LCAT: variants seen among roughly 807,000 people sequenced by gnomAD.
The protein encoded by LCAT is phosphatidylcholine-sterol acyltransferase.
In LCAT, 15 loss-of-function variants were observed where a neutral mutation model predicts 41.0. The ratio of observed to expected loss-of-function variants is 0.37; its 90% CI spans 0.24 to 0.56. The LOEUF (loss-of-function observed/expected upper bound fraction) is 0.56. Among genes scored for constraint, LCAT ranks in the 20% least tolerant of loss-of-function variants. The pLI, the probability that LCAT is intolerant of heterozygous loss-of-function variation, is 0.81. For missense variants in LCAT, 449 were observed against 595.1 expected, an observed-to-expected ratio of 0.75 and a Z score of 2.55; for synonymous variants, 248 against 245.4, an observed-to-expected ratio of 1.01 and a Z score of -0.10.
Position 67,940,350 on chromosome 16 carries a change from G to C in LCAT, c.877C>G (p.Pro293Ala). The C allele has an allele frequency of 6.2e-7, 1 of 1,614,178 alleles. No individual in the cohort carries two copies. The highest frequency in any genetic ancestry group is 8.5e-7 in the Non-Finnish European group (1 of 1,180,036). Residue 293 changes from proline to alanine, a missense_variant, in exon 6 of 6, where the codon CCC becomes GCC. Coordinates refer to ENST00000264005, the MANE Select transcript of LCAT (RefSeq NM_000229.2). ...TCACGGCCTGTGTAGTTGAAGCTGG[G>C]TGTGGAAATGAACACGTGGTCCTCA... ...WPEDHVFIST[P>A]SFNYTGRDFQ...
chr16:67,941,851 T>G, intron 5 of LCAT: 1 of 1,058,498 alleles, frequency 9.4e-7, no homozygotes. Flanking sequence ...GATGAGCGTT[T>G]CTCTTGTCCA....
Position 67,942,793 on chromosome 16 carries a change from G to C in LCAT, c.428-27C>G. The C allele has an allele frequency of 6.2e-7, 1 of 1,612,574 alleles. No homozygotes were observed. Among genetic ancestry groups the C allele is most frequent in the African/African-American group, 1.3e-5 (1 of 75,048 alleles). ...TGTGGGGGGACCAGCAGCACCGGGG[G>C]CTTGGGCCATGCCTGCTGTGGGCCA... On this transcript the variant is annotated intron_variant, in intron 3 of 5. Transcript: ENST00000264005. This position sits in a 1 kb window ranked among gnomAD's most constrained non-coding sequence, Gnocchi z 6.6.
chr16:67,943,318 C>G lies in LCAT; in HGVS notation c.155-106G>C. The G allele has an allele frequency of 8.7e-7, 1 of 1,152,258 alleles. No homozygotes were observed. Among genetic ancestry groups the G allele is most frequent in the Non-Finnish European group, 1.3e-6 (1 of 786,912 alleles). 71.4% of individuals were successfully genotyped at this position (1,152,258 alleles called of 1,614,324 possible). On this transcript the variant is annotated intron_variant, in intron 1 of 5. Coordinates refer to ENST00000264005, the MANE Select transcript of LCAT (RefSeq NM_000229.2). The surrounding 1 kb of genome is among the most constrained non-coding windows in gnomAD (Gnocchi z 4.6). ...AGACCCACCCCCCACCTCCCATACC[C>G]TCAACCCCCAGGTACAAAGCACACT... is the stretch of plus-strand genomic sequence containing the variant.
chr16:67,943,222 G>C lies in LCAT; in HGVS notation c.155-10C>G. 6.2e-7 allele frequency: 1 copy of C among 1,612,352 alleles called. No individual in the cohort carries two copies. Among genetic ancestry groups the C allele is most frequent in the East Asian group, 2.2e-5 (1 of 44,856 alleles). On this transcript the variant is annotated splice_polypyrimidine_tract_variant and intron_variant, in intron 1 of 5. Coordinates refer to ENST00000264005, the MANE Select transcript of LCAT (RefSeq NM_000229.2). This position sits in a 1 kb window ranked among gnomAD's most constrained non-coding sequence, Gnocchi z 4.6. ...CCCAGGCAGCCGGGCACTGTGAGCA[G>C]CAGCCCTCACTCTGGACTCTGGATT...
In LCAT at chr16:67,943,922, G is replaced by T. The variant is rs1362383640; in HGVS notation, c.154+26C>A. ...CAGGCTCCCCAGGGTCTGGCGTGGT[G>T]CATCAGGGGCCTGGTGGGGGCTTAC... On this transcript the variant is annotated intron_variant, in intron 1 of 5. Transcript: ENST00000264005. This position sits in a 1 kb window ranked among gnomAD's most constrained non-coding sequence, Gnocchi z 4.6. 1.2e-5 allele frequency: 19 copies of T among 1,533,826 alleles called. No individual in the cohort carries two copies. Among genetic ancestry groups the T allele is most frequent in the Non-Finnish European group, 1.6e-5 (18 of 1,136,622 alleles).
At chr16:67,941,924 G>C in intron 5 of LCAT, 1 of 1,160,008 alleles carries the variant, frequency 8.6e-7, no homozygotes. Context: ...GGTGGTAGCT[G>C]TGTCAGTGCT....
Position 67,940,043 on chromosome 16 carries a change from G to A in LCAT, c.1184C>T (p.Pro395Leu). 6.2e-7 allele frequency: 1 copy of A among 1,613,490 alleles called. No homozygotes were observed. Among genetic ancestry groups the A allele is most frequent in the Non-Finnish European group, 8.5e-7 (1 of 1,180,016 alleles). Residue 395 changes from proline (P) to leucine (L), a missense_variant, in exon 6 of 6, where the codon CCC becomes CTC. Physicochemically the swap from Pro to Leu is moderately conservative, Grantham distance 98. Transcript: ENST00000264005. ...GTTGAGATGCTGTATCCCGTGCAGG[G>A]GCAGCAGGTGCACAGGCTGTGGCTG... ...GRQPQPVHLL[P>L]LHGIQHLNMV... is the part of the protein sequence containing the mutation.
At chr16:67,941,559 T>C (rs2058290507) in intron 5 of LCAT, 1 of 853,754 alleles carries the variant, frequency 1.2e-6, no homozygotes, top group Non-Finnish European at 1.4e-6. Context: ...AGATTGAGAC[T>C]GCGGCTATGA....
chr16:67,940,109 GCCA>G lies in LCAT; in HGVS notation c.1115_1117del (p.Val372del). On this transcript the variant is annotated inframe_deletion, in exon 6 of 6. Transcript: ENST00000264005. Reference sequence around the variant, plus strand: ...GCCACAGAGCTCGGTGCTGCGGGTCGCCACCGTGTCATCACCATCCTCATAGAG... The same window carrying G: ...GCCACAGAGCTCGGTGCTGCGGGTCGCCGTGTCATCACCATCCTCATAGAG... 1 of 1,613,186 alleles carries G rather than the reference GCCA, an allele frequency of 6.2e-7. No individual in the cohort carries two copies. Among genetic ancestry groups the G allele is most frequent in the Non-Finnish European group, 8.5e-7 (1 of 1,179,994 alleles).
chr16:67,942,558 C>A lies in LCAT; in HGVS notation c.553G>T (p.Ala185Ser). Residue 185 changes from alanine (A) to serine (S), a missense_variant, in exon 5 of 6, where the codon GCA (alanine) becomes TCA (serine). By Grantham distance (99) the Ala-to-Ser change is moderately conservative (BLOSUM62 1). Transcript: ENST00000264005. This position sits in a 1 kb window ranked among gnomAD's most constrained non-coding sequence, Gnocchi z 6.6. ...GCGTGCATCTCCTCCACCAGCCCTG[C>A]GAGCTTGCGGTAGTACTCCTCCTGC... ...GQQEEYYRKL[A>S]GLVEEMHAAY... 3 of 1,613,514 alleles carry A rather than the reference C, an allele frequency of 1.9e-6. No individual in the cohort carries two copies. Among genetic ancestry groups the A allele is most frequent in the African/African-American group, 2.7e-5 (2 of 75,046 alleles).
Position 67,942,765 on chromosome 16 carries a change from C to A in LCAT, c.429G>T (p.Gly143=). The A allele has an allele frequency of 6.2e-7, 1 of 1,612,934 alleles. No homozygotes were observed. The highest frequency in any genetic ancestry group is 2.2e-5 in the East Asian group (1 of 44,882). Residue 143 remains glycine (G), a splice_region_variant and synonymous_variant, in exon 4 of 6, where the codon GGG becomes GGT. Transcript: ENST00000264005. The surrounding 1 kb of genome is among the most constrained non-coding windows in gnomAD (Gnocchi z 6.6). ...VEYLDSSKLA[G]YLHTLVQNLV... Reference sequence around the variant, plus strand: ...GGTTCTGCACCAGTGTGTGCAGGTACCCTGTGGGGGGACCAGCAGCACCGG... The same window carrying A: ...GGTTCTGCACCAGTGTGTGCAGGTAACCTGTGGGGGGACCAGCAGCACCGG...
In LCAT at chr16:67,939,872, C is replaced by T. The variant is rs374775259; in HGVS notation, c.*32G>A. ...TGCCTCCCTTCAACCTGAAACATAG[C>T]CATCAGGGCTTACGGTAGCAAAGGA... On this transcript the variant is annotated 3_prime_UTR_variant, in exon 6 of 6. Transcript: ENST00000264005. The T allele has an allele frequency of 2.5e-6, 4 of 1,597,136 alleles. No individual in the cohort carries two copies. Among genetic ancestry groups the T allele is most frequent in the South Asian group, 2.2e-5 (2 of 89,480 alleles).
chr16:67,943,826 G>T lies in LCAT; in HGVS notation c.154+122C>A. The T allele has an allele frequency of 1.1e-6, 1 of 927,854 alleles. No homozygotes were observed. The highest frequency in any genetic ancestry group is 2.9e-5 in the Admixed American group (1 of 34,818). 57.5% of individuals were successfully genotyped at this position (927,854 alleles called of 1,614,324 possible). On this transcript the variant is annotated intron_variant, in intron 1 of 5. Coordinates refer to ENST00000264005, the MANE Select transcript of LCAT (RefSeq NM_000229.2). The surrounding 1 kb of genome is among the most constrained non-coding windows in gnomAD (Gnocchi z 4.6). ...GCTTTTGGCCCCTCCCCACACCAGG[G>T]CAGGTACTTATGTCGGGGCTTATGC...
At position 67,943,900 on chromosome 16, in the gene LCAT, G is replaced by A; in HGVS notation, c.154+48C>T. The A allele has an allele frequency of 1.3e-6, 2 of 1,487,626 alleles. No homozygotes were observed. The highest frequency in any genetic ancestry group is 1.8e-6 in the Non-Finnish European group (2 of 1,106,026). The allele number at this position is 1,487,626 out of a possible 1,614,324, so 92.2% of individuals were successfully genotyped here. A position where few individuals can be genotyped will look rare whatever the true frequency, so the allele number is the denominator to read the frequency against. ...TCAGCTGCCAGGGGCTGGGGCCCAG[G>A]CTCCCCAGGGTCTGGCGTGGTGCAT... On this transcript the variant is annotated intron_variant, in intron 1 of 5. Transcript: ENST00000264005. This position sits in a 1 kb window ranked among gnomAD's most constrained non-coding sequence, Gnocchi z 4.6.
In LCAT at chr16:67,942,850, C is replaced by CT; in HGVS notation, c.427+10dup. On this transcript the variant is annotated intron_variant, in intron 3 of 5. Transcript: ENST00000264005. This position sits in a 1 kb window ranked among gnomAD's most constrained non-coding sequence, Gnocchi z 6.6. ...AGGCCTGGAGCCCCAGCCCTGCCCT[C>CT]TGACACAAACCTGCCAGCTTGCTGC... is the stretch of plus-strand genomic sequence containing the variant. The CT allele has an allele frequency of 6.2e-7, 1 of 1,613,522 alleles. No homozygotes were observed. Among genetic ancestry groups the CT allele is most frequent in the African/African-American group, 1.3e-5 (1 of 75,072 alleles).
intron 5 of LCAT, chr16:67,941,939 C>T (rs142875839): frequency 4.3e-4 from 509 of 1,176,776 alleles, no homozygotes; most frequent in Non-Finnish European, 5.2e-4. Context: ...AGTGCTGGGC[C>T]CTGGTGCCAC....
intron 5 of LCAT, chr16:67,941,997 T>C (rs1456347540): frequency 1.7e-6 from 2 of 1,205,746 alleles, no homozygotes; most frequent in Admixed American, 7.2e-5. Context: ...GCCCTAGCTC[T>C]GGCAGATCCA....
At position 67,942,437 on chromosome 16, in the gene LCAT, C is replaced by T. The variant is rs781502087; in HGVS notation, c.674G>A (p.Arg225His). 27 of 1,613,890 alleles carry T rather than the reference C, an allele frequency of 1.7e-5. No homozygotes were observed. Among genetic ancestry groups the T allele is most frequent in the South Asian group, 2.2e-5 (2 of 91,092 alleles). ...AAGAGAGATGAAGCCATCAATAAAGCGGTCCTTCCAGGCCTGGGGCTGGCG... is the reference window on the plus strand; with the variant it reads ...AAGAGAGATGAAGCCATCAATAAAGTGGTCCTTCCAGGCCTGGGGCTGGCG... ...LLRQPQAWKD[R>H]FIDGFISLGA... Residue 225 changes from arginine (R) to histidine (H), a missense_variant, in exon 5 of 6, where the codon CGC becomes CAC. By Grantham distance (29) the Arg-to-His change is conservative (BLOSUM62 0). Transcript: ENST00000264005. This position sits in a 1 kb window ranked among gnomAD's most constrained non-coding sequence, Gnocchi z 6.6.
At position 67,942,776 on chromosome 16, in the gene LCAT, G is replaced by T. The variant is rs368492194; in HGVS notation, c.428-10C>A. 17 of 1,612,420 alleles carry T rather than the reference G, an allele frequency of 1.1e-5. No homozygotes were observed. The highest frequency in any genetic ancestry group is 1.4e-5 in the Non-Finnish European group (16 of 1,179,576). On this transcript the variant is annotated splice_polypyrimidine_tract_variant and intron_variant, in intron 3 of 5. Transcript: ENST00000264005. The surrounding 1 kb of genome is among the most constrained non-coding windows in gnomAD (Gnocchi z 6.6). ...AGTGTGTGCAGGTACCCTGTGGGGGGACCAGCAGCACCGGGGGCTTGGGCC... is the reference window on the plus strand; with the variant it reads ...AGTGTGTGCAGGTACCCTGTGGGGGTACCAGCAGCACCGGGGGCTTGGGCC...
Sources: allele counts gnomAD v4.1 joint callset, GRCh38; gene constraint gnomAD v4.1.1; non-coding constraint Gnocchi (gnomAD v3.1); transcripts MANE v1.5; gene names NCBI Gene and HGNC (gene_info 2026-07-23, HGNC 2026-07-21).